KLF8: variants seen among roughly 807,000 people sequenced by gnomAD.
KLF8 encodes KLF transcription factor 8, also known as Krueppel-like factor 8.
KLF8 carries 10 observed loss-of-function variants against 18.2 expected under a neutral mutation model. The observed-to-expected ratio is 0.55, with a 90% CI of 0.34 to 0.93. The LOEUF is 0.93. Ranked by LOEUF, KLF8 falls within the 40% of genes least tolerant of loss-of-function variation. The probability of loss-of-function intolerance (pLI) is 0.02; values close to 1 mark genes in which losing one functional copy is unlikely to be tolerated. For synonymous variants in KLF8, 109 were observed against 97.3 expected (o/e 1.12, Z -0.71); for missense variants, 264 against 277.9 (o/e 0.95, Z 0.36).
At chrX:56,080,071 C>A in the KLF8 span, among the ~76,000 whole-genome samples, 3 of 111,355 alleles carry the variant, frequency 2.7e-5, no homozygotes, top group Non-Finnish European at 5.7e-5. Flanking sequence ...TTCCTGAATA[C>A]AGCACCCTGA....
chrX:56,159,810 C>G, the KLF8 span, among the ~76,000 whole-genome samples: 2 of 111,106 alleles, frequency 1.8e-5, no homozygotes, highest in Non-Finnish European at 3.8e-5. Context: ...AGTGGTCTAT[C>G]AATTTCGTTG....
chrX:56,147,836 G>A, the KLF8 span, among the ~76,000 whole-genome samples: 68 of 111,796 alleles, frequency 6.1e-4, 1 homozygote, highest in Non-Finnish European at 1.0e-3. Flanking sequence ...AAAATTGACC[G>A]GCAAGGTGGT....
chrX:56,130,066 C>A, the KLF8 span, among the ~76,000 whole-genome samples: 8 of 110,318 alleles, frequency 7.3e-5, no homozygotes, highest in Non-Finnish European at 1.3e-4. Context: ...CTAACCCACC[C>A]CAGTAGCTGA....
the KLF8 span, among the ~76,000 whole-genome samples, chrX:55,937,853 T>C: frequency 1.8e-5 from 2 of 111,766 alleles, no homozygotes; most frequent in Admixed American, 9.5e-5. Flanking sequence ...GAGCAAAGCC[T>C]CCAACAAATA....
the KLF8 span, among the ~76,000 whole-genome samples, chrX:56,187,356 G>A: frequency 9.0e-6 from 1 of 111,658 alleles, no homozygotes; most frequent in Non-Finnish European, 1.9e-5. Context: ...ACCAATAACA[G>A]GCTCTGAAAT....
chrX:56,155,137 T>A, the KLF8 span, among the ~76,000 whole-genome samples: 1 of 111,605 alleles, frequency 9.0e-6, no homozygotes, highest in African/African-American at 3.3e-5. Context: ...ATCATGCTGC[T>A]ATAAAGACAC....
At chrX:56,164,729 C>CTTTTTTTTTTTTTTTTTTCTTTTTTTT in the KLF8 span, among the ~76,000 whole-genome samples, 1 of 51,920 alleles carries the variant, frequency 1.9e-5, no homozygotes, top group Non-Finnish European at 3.3e-5. Flanking sequence ...CTTGTTATCT[C>CTTTTTTTTTTTTTTTTTTCTTTTTTTT]TTTTTTTTTT....
At chrX:55,994,074 C>T in the KLF8 span, among the ~76,000 whole-genome samples, 20 of 109,285 alleles carry the variant, frequency 1.8e-4, no homozygotes, top group South Asian at 8.1e-4. Context: ...CCATGTCCGG[C>T]GAATTTTTTG....
the KLF8 span, among the ~76,000 whole-genome samples, chrX:56,028,575 C>T: frequency 9.0e-6 from 1 of 111,528 alleles, no homozygotes; most frequent in African/African-American, 3.3e-5. Flanking sequence ...AGTGTCCTAG[C>T]AGAAGGTCGT....
the KLF8 span, among the ~76,000 whole-genome samples, chrX:55,950,704 C>T: frequency 5.4e-5 from 6 of 111,415 alleles, no homozygotes; most frequent in African/African-American, 9.8e-5. Flanking sequence ...TTCTTCATGC[C>T]CTGGTGATAC....
chrX:56,073,320 G>C, the KLF8 span, among the ~76,000 whole-genome samples: 1 of 112,169 alleles, frequency 8.9e-6, no homozygotes, highest in Non-Finnish European at 1.9e-5. Context: ...CCATATTGTA[G>C]TATGTATCAT....
the KLF8 span, among the ~76,000 whole-genome samples, chrX:55,940,853 C>G: frequency 9.0e-6 from 1 of 111,376 alleles, no homozygotes; most frequent in Non-Finnish European, 1.9e-5. Context: ...AACTACAAAC[C>G]ACTGCTCAAT....
chrX:55,979,250 A>T, the KLF8 span, among the ~76,000 whole-genome samples: 1 of 112,066 alleles, frequency 8.9e-6, no homozygotes, highest in Non-Finnish European at 1.9e-5. Flanking sequence ...GAGTGGTGTG[A>T]TGAAATCTTG....
the KLF8 span, among the ~76,000 whole-genome samples, chrX:56,207,736 G>A: frequency 9.1e-6 from 1 of 110,113 alleles, no homozygotes; most frequent in Admixed American, 9.9e-5. Context: ...CCTCCAAGCT[G>A]TTGCCACCTC....
the KLF8 span, among the ~76,000 whole-genome samples, chrX:56,158,283 G>A: frequency 1.8e-5 from 2 of 111,807 alleles, no homozygotes; most frequent in Admixed American, 9.5e-5. Flanking sequence ...TGCTGTTTTG[G>A]TTACTGTAGC....
the KLF8 span, among the ~76,000 whole-genome samples, chrX:56,057,320 T>C: frequency 9.0e-6 from 1 of 111,306 alleles, no homozygotes; most frequent in East Asian, 2.8e-4. Flanking sequence ...AGGCTCTGAC[T>C]GCAATGGTGG....
chrX:56,040,772 GGTATAGTTTCA>G, the KLF8 span, among the ~76,000 whole-genome samples: 1 of 54,255 alleles, frequency 1.8e-5, no homozygotes, highest in East Asian at 9.9e-4. Flanking sequence ...TCAATTTTTT[GGTATAGTTTCA>G]GTAGAAATGA....
At chrX:55,916,567 G>GCCAGTGAGTGAGGC in the KLF8 span, among the ~76,000 whole-genome samples, 19,496 of 110,904 alleles carry the variant, frequency 0.18, 3,504 homozygotes, top group African/African-American at 0.55. Context: ...TGATCTAAAG[G>GCCAGTGAGTGAGGC]CTGGTGAGTG....
the KLF8 span, among the ~76,000 whole-genome samples, chrX:56,015,915 C>G: frequency 8.9e-6 from 1 of 112,007 alleles, no homozygotes; most frequent in African/African-American, 3.2e-5. Context: ...AGTCTCTATT[C>G]CTTTTAAATA....
Sources: allele counts gnomAD v4.1 joint callset (sites outside exome capture counted in the v4.1 genomes callset), GRCh38; gene constraint gnomAD v4.1.1; transcripts MANE v1.5; gene names NCBI Gene and HGNC (gene_info 2026-07-23, HGNC 2026-07-21).